The following C4orf33 variants were observed in gnomAD, a reference collection of about 807,000 sequenced individuals.
C4orf33 encodes the protein chromosome 4 open reading frame 33, also known as UPF0462 protein C4orf33.
C4orf33 carries 20 observed loss-of-function variants against 24.3 expected under a neutral mutation model. That is an observed-to-expected ratio of 0.82 (90% CI 0.58 to 1.19). C4orf33 has a LOEUF of 1.19. Among genes scored for constraint, C4orf33 ranks in the 50% most tolerant of loss-of-function variants. The pLI, the probability that C4orf33 is intolerant of heterozygous loss-of-function variation, is 0.00. For synonymous variants in C4orf33, 67 were observed against 76.4 expected, an observed-to-expected ratio of 0.88 and a Z score of 0.64; for missense variants, 207 against 225.9, an observed-to-expected ratio of 0.92 and a Z score of 0.54.
At chr4:129,106,883 A>G (rs1166807585) in intron 3 of C4orf33, among the ~76,000 whole-genome samples, 3 of 152,036 alleles carry the variant, frequency 2.0e-5, no homozygotes, top group Admixed American at 6.5e-5. Flanking sequence ...CAATATTTTC[A>G]GTTCATTAAT....
chr4:129,103,443 ATCT>A (rs1753423731), intron 2 of C4orf33, among the ~76,000 whole-genome samples: 1 of 152,122 alleles, frequency 6.6e-6, no homozygotes, highest in African/African-American at 2.4e-5. Context: ...AACATTACAA[ATCT>A]TCTTTATGGA....
rs903969614 is a variant in C4orf33, at chr4:129,114,533, T to A, written c.*2742T>A. The stretch of plus-strand genomic sequence containing the variant: ...TCAACCTCTTTGGAAGTTATTGTCC[T>A]ATGTTTGCTTCATGGGGAACCCAGG... On this transcript the variant is annotated 3_prime_UTR_variant, in exon 6 of 6. Transcript: ENST00000425929. 3 of 152,232 alleles carry A rather than the reference T, an allele frequency of 2.0e-5. No homozygotes were observed. The highest frequency in any genetic ancestry group is 4.8e-5 in the African/African-American group (2 of 41,464). 9.4% of individuals were successfully genotyped at this position (152,232 alleles called of 1,614,324 possible).
chr4:129,109,891 ATAGTGG>A, intron 5 of C4orf33: 1 of 1,080,058 alleles, frequency 9.3e-7, no homozygotes, highest in South Asian at 2.0e-5. Context: ...TTATTTTTCC[ATAGTGG>A]TATGAGAAAA....
In C4orf33 at chr4:129,109,310, C is replaced by T. The variant is rs144569801; in HGVS notation, c.246C>T (p.His82=). 34 of 1,613,758 alleles carry T rather than the reference C, an allele frequency of 2.1e-5. No individual in the cohort carries two copies. Among genetic ancestry groups the T allele is most frequent in the Admixed American group, 1.2e-4 (7 of 60,004 alleles). The change falls in exon 4 of 6, where the codon CAC becomes CAT. Residue 82 remains histidine, a synonymous_variant. Coordinates refer to ENST00000425929, the MANE Select transcript of C4orf33 (RefSeq NM_001099783.2). Reference sequence around the variant, plus strand: ...TGAGGAATCTTAATTTTGACAGCCACGGACAGCATTTAGTGCTTTTACTTT... The same window carrying T: ...TGAGGAATCTTAATTTTGACAGCCATGGACAGCATTTAGTGCTTTTACTTT... ...EQYLEVELCP[H]GQHLVLLLSG...
intron 1 of C4orf33, among the ~76,000 whole-genome samples, chr4:129,096,653 A>G (rs1753215931): frequency 6.6e-6 from 1 of 152,210 alleles, no homozygotes; most frequent in Non-Finnish European, 1.5e-5. Flanking sequence ...AGCAATCAGA[A>G]CAATTGAAAA....
chr4:129,111,156 C>T (rs1753683426), intron 5 of C4orf33, among the ~76,000 whole-genome samples: 2 of 152,186 alleles, frequency 1.3e-5, no homozygotes, highest in Non-Finnish European at 2.9e-5. Flanking sequence ...GCCTTTCTCT[C>T]CTCATTAAGC....
Position 129,114,600 on chromosome 4 carries a change from G to A in C4orf33, c.*2809G>A, listed in dbSNP as rs426521. ...CTAAAGCAGCCCTAGAAAGCCGTTC[G>A]TCAGGATGAGAATCTAGAATTGTAT... On this transcript the variant is annotated 3_prime_UTR_variant, in exon 6 of 6. Coordinates refer to ENST00000425929, the MANE Select transcript of C4orf33 (RefSeq NM_001099783.2). 109,061 of 152,120 alleles carry A rather than the reference G, an allele frequency of 0.72. 41,190 individuals are homozygous for A. Among genetic ancestry groups the A allele is most frequent in the South Asian group, 0.89 (4,282 of 4,824 alleles). 9.4% of individuals were successfully genotyped at this position (152,120 alleles called of 1,614,324 possible).
intron 1 of C4orf33, among the ~76,000 whole-genome samples, chr4:129,100,098 G>A (rs1047755452): frequency 1.3e-5 from 2 of 152,126 alleles, no homozygotes; most frequent in Non-Finnish European, 2.9e-5. Context: ...GAAACCTTAG[G>A]GGGGAAAAGC....
chr4:129,099,211 G>A (rs892759289), intron 1 of C4orf33, among the ~76,000 whole-genome samples: 1 of 152,088 alleles, frequency 6.6e-6, no homozygotes, highest in Non-Finnish European at 1.5e-5. Flanking sequence ...AAATTGGACT[G>A]CAAAATGAAC....
intron 5 of C4orf33, chr4:129,110,105 G>A: frequency 1.5e-6 from 1 of 656,266 alleles, no homozygotes; most frequent in Non-Finnish European, 1.9e-6. Flanking sequence ...ACCTCATAAG[G>A]ATAAAAATAT....
At chr4:129,098,108 A>G (rs141585922) in intron 1 of C4orf33, among the ~76,000 whole-genome samples, 197 of 152,216 alleles carry the variant, frequency 1.3e-3, no homozygotes, top group African/African-American at 4.6e-3. Flanking sequence ...AGGCTTTTGG[A>G]GTAAAGGGAA....
intron 2 of C4orf33, among the ~76,000 whole-genome samples, chr4:129,106,271 T>C (rs1753514201): frequency 1.3e-5 from 2 of 152,088 alleles, no homozygotes; most frequent in South Asian, 4.1e-4. Context: ...GATTATTTTC[T>C]TAAGATAAAT....
At chr4:129,105,352 T>G (rs2125802077) in intron 2 of C4orf33, among the ~76,000 whole-genome samples, 1 of 152,074 alleles carries the variant, frequency 6.6e-6, no homozygotes, top group African/African-American at 2.4e-5. Flanking sequence ...CTACTAAAAG[T>G]CTACTGATTT....
chr4:129,109,349 T>C lies in C4orf33; in HGVS notation c.285T>C (p.Asn95=), dbSNP rs752986604. 5.6e-6 allele frequency: 9 copies of C among 1,613,942 alleles called. No homozygotes were observed. In the South Asian group the frequency reaches 9.9e-5, roughly 18 times the overall value. The part of the protein sequence containing the change: ...HLVLLLSGRR[N]VWKQELPLSF... ...TGCTTTTACTTTCTGGAAGAAGAAA[T>C]GTGTGGAAAGTAAGTAAATAAAAAT... The change falls in exon 4 of 6, where the codon AAT becomes AAC. Residue 95 remains asparagine, a synonymous_variant. Coordinates refer to ENST00000425929, the MANE Select transcript of C4orf33 (RefSeq NM_001099783.2).
Position 129,113,700 on chromosome 4 carries a change from G to A in C4orf33, c.*1909G>A, listed in dbSNP as rs1273205342. 4 of 152,084 alleles carry A rather than the reference G, an allele frequency of 2.6e-5. No homozygotes were observed. The highest frequency in any genetic ancestry group is 5.9e-5 in the Non-Finnish European group (4 of 68,030). The allele number at this position is 152,084 out of a possible 1,614,324, so 9.4% of individuals were successfully genotyped here. Reference sequence around the variant, plus strand: ...TCCAGGAAAGTGTAAGTCACAGTCTGAAGGGAAATGTGCTTTTTATTTTTG... The same window carrying A: ...TCCAGGAAAGTGTAAGTCACAGTCTAAAGGGAAATGTGCTTTTTATTTTTG... On this transcript the variant is annotated 3_prime_UTR_variant, in exon 6 of 6. Coordinates refer to ENST00000425929, the MANE Select transcript of C4orf33 (RefSeq NM_001099783.2).
In C4orf33 at chr4:129,096,733, C is replaced by T. The variant is rs115156808; in HGVS notation, c.-10+524C>T. On this transcript the variant is annotated intron_variant, in intron 1 of 5. Transcript: ENST00000425929. ...TTAAAAGTAGAAACATACAGAGTAA[C>T]AATAAATATTGTATTAAGAAAGTCT... is the stretch of plus-strand genomic sequence containing the variant. Among the ~76,000 whole-genome samples the T allele has an allele frequency of 2.0e-4, 30 of 152,142 alleles. 1 individual carries two copies. The highest frequency in any genetic ancestry group is 6.8e-3 in the Middle Eastern group (2 of 294).
Position 129,102,623 on chromosome 4 carries a change from AT to A in C4orf33, c.15del (p.Ile5MetfsTer10). ...TTAGAGACTTCAGATGGATTTTAAAATTGAACACACTTGGGATGGTTTTCCA... is the reference window on the plus strand; with the variant it reads ...TTAGAGACTTCAGATGGATTTTAAAATGAACACACTTGGGATGGTTTTCCA... MDFK[I>X]EHTWDGFPVK... On this transcript the variant is annotated frameshift_variant, in exon 2 of 6. Transcript: ENST00000425929. LOFTEE classifies it high-confidence loss of function. 2 of 1,606,502 alleles carry A rather than the reference AT, an allele frequency of 1.2e-6. No individual in the cohort carries two copies. Among genetic ancestry groups the A allele is most frequent in the South Asian group, 1.1e-5 (1 of 89,392 alleles).
chr4:129,110,600 A>G (rs1325712806), intron 5 of C4orf33, among the ~76,000 whole-genome samples: 2 of 152,116 alleles, frequency 1.3e-5, no homozygotes, highest in Non-Finnish European at 2.9e-5. Context: ...CATCCTAGTG[A>G]GCATTGCACT....
At chr4:129,110,860 A>G (rs1290344929) in intron 5 of C4orf33, among the ~76,000 whole-genome samples, 1 of 149,346 alleles carries the variant, frequency 6.7e-6, no homozygotes, top group African/African-American at 2.5e-5. Flanking sequence ...TTTTTTCCTT[A>G]ATCTCTTACT....
Sources: gnomAD v4.1 joint callset for allele counts (sites outside exome capture counted in the v4.1 genomes callset) on GRCh38, gnomAD v4.1.1 for gene constraint, MANE v1.5 for transcripts, NCBI Gene and HGNC (gene_info 2026-07-23, HGNC 2026-07-21) for gene names.